The following KCNMB1 variants were observed in gnomAD, a reference collection of about 807,000 sequenced individuals.
KCNMB1 encodes calcium-activated potassium channel subunit beta-1.
A neutral mutation model predicts 21.7 loss-of-function variants in KCNMB1; 22 were observed. That is an observed-to-expected ratio of 1.01 (90% CI 0.72 to 1.45). The LOEUF (loss-of-function observed/expected upper bound fraction) is 1.45. Among genes scored for constraint, KCNMB1 ranks in the 40% most tolerant of loss-of-function variants. The probability of loss-of-function intolerance (pLI) is 0.00; values close to 1 mark genes in which losing one functional copy is unlikely to be tolerated. For synonymous variants in KCNMB1, 114 were observed against 107.6 expected, an observed-to-expected ratio of 1.06 and a Z score of -0.37; for missense variants, 243 against 243.4, an observed-to-expected ratio of 1.00 and a Z score of 0.01.
chr5:170,387,192 A>T (rs1355756703), intron 1 of KCNMB1, among the ~76,000 whole-genome samples: 1 of 152,114 alleles, frequency 6.6e-6, no homozygotes, highest in Non-Finnish European at 1.5e-5. Flanking sequence ...ATTTTAGGGG[A>T]ATTTAGGGGA....
chr5:170,379,989 A>G (rs969833282), intron 3 of KCNMB1, among the ~76,000 whole-genome samples: 1 of 152,192 alleles, frequency 6.6e-6, no homozygotes, highest in Non-Finnish European at 1.5e-5. Flanking sequence ...CTAAATTTAA[A>G]ATTGAAAACC....
In KCNMB1 at chr5:170,378,679, A is replaced by T; in HGVS notation, c.*25T>A. ...CCAGCCAGTCCCCTGTGCCCTGACAAGTGGTATGGCATGGATGGATGGCTC... is the reference window on the plus strand; with the variant it reads ...CCAGCCAGTCCCCTGTGCCCTGACATGTGGTATGGCATGGATGGATGGCTC... On this transcript the variant is annotated 3_prime_UTR_variant, in exon 4 of 4. Transcript: ENST00000274629. 6.3e-7 allele frequency: 1 copy of T among 1,577,930 alleles called. No individual in the cohort carries two copies. Among genetic ancestry groups the T allele is most frequent in the Non-Finnish European group, 8.6e-7 (1 of 1,163,052 alleles).
intron 1 of KCNMB1, among the ~76,000 whole-genome samples, chr5:170,386,735 G>C (rs314112): frequency 0.12 from 17,866 of 151,368 alleles, 1,203 homozygotes; most frequent in East Asian, 0.21. Context: ...AAAGAAAGAA[G>C]AAAGAAGGCA....
Position 170,387,822 on chromosome 5 carries a change from C to T in KCNMB1, c.-25+1437G>A, listed in dbSNP as rs142218216. ...GGAGGTAAGCTAAAAGCCCCAACAGCCTGCTTCCCCAGGACCTGCAAGGGT... is the reference window on the plus strand; with the variant it reads ...GGAGGTAAGCTAAAAGCCCCAACAGTCTGCTTCCCCAGGACCTGCAAGGGT... On this transcript the variant is annotated intron_variant, in intron 1 of 3. Transcript: ENST00000274629. 1.2e-3 allele frequency among the ~76,000 whole-genome samples: 177 copies of T among 152,358 alleles called. 3 individuals carry two copies. The highest frequency in any genetic ancestry group is 9.8e-3 in the East Asian group (51 of 5,186).
chr5:170,379,708 G>T (rs1764162033), intron 3 of KCNMB1, among the ~76,000 whole-genome samples: 1 of 152,146 alleles, frequency 6.6e-6, no homozygotes, highest in African/African-American at 2.4e-5. Flanking sequence ...TAACACTTTG[G>T]GAAGCCGAAG....
At chr5:170,381,504 C>A (rs1581130120) in intron 3 of KCNMB1, among the ~76,000 whole-genome samples, 1 of 152,212 alleles carries the variant, frequency 6.6e-6, no homozygotes, top group Non-Finnish European at 1.5e-5. Context: ...GCCACTTGAA[C>A]CCCTATGATG....
chr5:170,384,427 G>A (rs1035772208), intron 2 of KCNMB1, among the ~76,000 whole-genome samples: 1 of 152,190 alleles, frequency 6.6e-6, no homozygotes, highest in Non-Finnish European at 1.5e-5. Context: ...TGGGAAAGAT[G>A]GTGGGGACAG....
chr5:170,384,061 T>C (rs967883909), intron 2 of KCNMB1, among the ~76,000 whole-genome samples: 17 of 152,172 alleles, frequency 1.1e-4, no homozygotes, highest in African/African-American at 4.1e-4. Context: ...TCTTAGACAT[T>C]ATCTATATGA....
chr5:170,378,757 T>C lies in KCNMB1; in HGVS notation c.523A>G (p.Ile175Val). Reference protein sequence around the residue: ...TFLLTGGLLIIAMVKSNQYLS... With the variant: ...TFLLTGGLLIVAMVKSNQYLS... ...TACTGGTTGCTCTTCACCATGGCGA[T>C]AATGAGGAGGCCACCGGTCAGCAGG... Residue 175 changes from isoleucine to valine, a missense_variant, in exon 4 of 4, where the codon ATC (isoleucine) becomes GTC (valine). Physicochemically the swap from Ile to Val is conservative, Grantham distance 29. Transcript: ENST00000274629. 5 of 1,614,122 alleles carry C rather than the reference T, an allele frequency of 3.1e-6. No homozygotes were observed. Among genetic ancestry groups the C allele is most frequent in the Non-Finnish European group, 3.4e-6 (4 of 1,180,018 alleles).
chr5:170,381,315 G>T (rs899978971), intron 3 of KCNMB1, among the ~76,000 whole-genome samples: 5 of 152,234 alleles, frequency 3.3e-5, no homozygotes, highest in African/African-American at 1.2e-4. Flanking sequence ...GCCCTGCAGT[G>T]TAAGGTCCCC....
In KCNMB1 at chr5:170,378,626, G is replaced by T. The variant is rs2656842; in HGVS notation, c.*78C>A. 431,266 of 1,437,590 alleles carry T rather than the reference G, an allele frequency of 0.3. 68,114 individuals are homozygous for T. The highest frequency in any genetic ancestry group is 0.47 in the African/African-American group (32,784 of 70,004). The allele number at this position is 1,437,590 out of a possible 1,614,324, so 89.1% of individuals were successfully genotyped here. A position where few individuals can be genotyped will look rare whatever the true frequency, so the allele number is the denominator to read the frequency against. On this transcript the variant is annotated 3_prime_UTR_variant, in exon 4 of 4. Coordinates refer to ENST00000274629, the MANE Select transcript of KCNMB1 (RefSeq NM_004137.4). The stretch of plus-strand genomic sequence containing the variant: ...GGAGGGCAGGTGGAGAAGGCATTGT[G>T]CTGCAAGTGGGGAGCAGCCCTGGGG...
In KCNMB1 at chr5:170,378,619, G is replaced by T; in HGVS notation, c.*85C>A. 1 of 1,371,376 alleles carries T rather than the reference G, an allele frequency of 7.3e-7. No homozygotes were observed. The highest frequency in any genetic ancestry group is 1.0e-6 in the Non-Finnish European group (1 of 1,003,560). The allele number at this position is 1,371,376 out of a possible 1,614,324, so 85.0% of individuals were successfully genotyped here. On this transcript the variant is annotated 3_prime_UTR_variant, in exon 4 of 4. Transcript: ENST00000274629. ...AAGAGTGGGAGGGCAGGTGGAGAAG[G>T]CATTGTGCTGCAAGTGGGGAGCAGC... is the stretch of plus-strand genomic sequence containing the variant.
rs552204333 is a variant in KCNMB1 at position 170,377,468 on chromosome 5, T to C, written c.*1236A>G. ...CATTTTGCCCTTTTCAAATCTGAGA[T>C]AGGCTTCCCCAGCAGGCTCAGTGCC... On this transcript the variant is annotated 3_prime_UTR_variant, in exon 4 of 4. Coordinates refer to ENST00000274629, the MANE Select transcript of KCNMB1 (RefSeq NM_004137.4). 3 of 152,358 alleles carry C rather than the reference T, an allele frequency of 2.0e-5. No individual in the cohort carries two copies. Among genetic ancestry groups the C allele is most frequent in the Admixed American group, 6.5e-5 (1 of 15,294 alleles). 9.4% of individuals were successfully genotyped at this position (152,358 alleles called of 1,614,324 possible).
In KCNMB1 at chr5:170,378,650, G is replaced by A. The variant is rs1290327773; in HGVS notation, c.*54C>T. 1 of 1,535,350 alleles carries A rather than the reference G, an allele frequency of 6.5e-7. No individual in the cohort carries two copies. The highest frequency in any genetic ancestry group is 2.3e-5 in the East Asian group (1 of 44,348). ...TGCTGCAAGTGGGGAGCAGCCCTGG[G>A]GGCCCAGCCAGTCCCCTGTGCCCTG... On this transcript the variant is annotated 3_prime_UTR_variant, in exon 4 of 4. Transcript: ENST00000274629.
rs547961440 is a variant in KCNMB1 at position 170,385,855 on chromosome 5, C to T, written c.-24-384G>A. ...CTCTTGAAGGCCAGGTGCGGTGGCT[C>T]ATGCCTGAAATCCCAGCACTTTCGG... On this transcript the variant is annotated intron_variant, in intron 1 of 3. Transcript: ENST00000274629. Among the ~76,000 whole-genome samples, 9 of 152,094 alleles carry T rather than the reference C, an allele frequency of 5.9e-5. 1 individual carries two copies. Among genetic ancestry groups the T allele is most frequent in the South Asian group, 4.2e-4 (2 of 4,800 alleles).
chr5:170,383,446 G>A (rs2071161), intron 3 of KCNMB1: 58,656 of 614,662 alleles, frequency 0.095, 3,153 homozygotes, highest in Admixed American at 0.14. Context: ...AAACTGAGGA[G>A]GTGAGAGGCT....
chr5:170,387,524 G>A (rs202162109), intron 1 of KCNMB1, among the ~76,000 whole-genome samples: 2 of 152,218 alleles, frequency 1.3e-5, no homozygotes, highest in East Asian at 3.9e-4. Flanking sequence ...CTCCCCTATC[G>A]ATCGGCAGAG....
Position 170,375,977 on chromosome 5 carries a change from A to G in KCNMB1, c.*2727T>C, listed in dbSNP as rs1317060862. On this transcript the variant is annotated 3_prime_UTR_variant, in exon 4 of 4. Coordinates refer to ENST00000274629, the MANE Select transcript of KCNMB1 (RefSeq NM_004137.4). Reference sequence around the variant, plus strand: ...ACATCCCAAGTCCACATACTTAGCCACTGTCCTCTGTTGCTTCTCATCATC... The same window carrying G: ...ACATCCCAAGTCCACATACTTAGCCGCTGTCCTCTGTTGCTTCTCATCATC... The G allele has an allele frequency of 6.6e-6, 1 of 152,162 alleles. No homozygotes were observed. Among genetic ancestry groups the G allele is most frequent in the Non-Finnish European group, 1.5e-5 (1 of 68,052 alleles). 9.4% of individuals were successfully genotyped at this position (152,162 alleles called of 1,614,324 possible).
chr5:170,383,717 G>C lies in KCNMB1; in HGVS notation c.268C>G (p.Leu90Val), dbSNP rs753775843. ...NVSAAGRWAV[L>V]YHTEDTRDQN... ...TCCCGAGTGTCCTCCGTGTGGTACAGCACAGCCCACCTGCCGGCAGCTGAC... is the reference window on the plus strand; with the variant it reads ...TCCCGAGTGTCCTCCGTGTGGTACACCACAGCCCACCTGCCGGCAGCTGAC... The change falls in exon 3 of 4, where the codon CTG (leucine) becomes GTG (valine). Residue 90 changes from leucine to valine, a missense_variant. Physicochemically the swap from Leu to Val is conservative, Grantham distance 32. Transcript: ENST00000274629. 3 of 1,614,050 alleles carry C rather than the reference G, an allele frequency of 1.9e-6. No homozygotes were observed. In the African/African-American group the frequency reaches 4.0e-5, roughly 22 times the overall value.
Sources: allele counts gnomAD v4.1 joint callset (sites outside exome capture counted in the v4.1 genomes callset), GRCh38; gene constraint gnomAD v4.1.1; transcripts MANE v1.5; gene names NCBI Gene and HGNC (gene_info 2026-07-23, HGNC 2026-07-21).